The following FARP2 variants were observed in gnomAD, a reference collection of about 807,000 sequenced individuals.
FARP2 encodes FERM, ARHGEF and pleckstrin domain-containing protein 2.
A neutral mutation model predicts 130.5 loss-of-function variants in FARP2; 111 were observed. That is an observed-to-expected ratio of 0.85 (90% CI 0.73 to 1.00). The LOEUF (loss-of-function observed/expected upper bound fraction) is 1.00. FARP2 is among the 50% of genes least tolerant of loss of function. The pLI is 0.00. For missense variants in FARP2, 1,385 were observed against 1,346.3 expected (o/e 1.03, Z -0.45); for synonymous variants, 504 against 516.9 (o/e 0.98, Z 0.34).
chr2:241,451,707 T>A (rs2063662637), intron 13 of FARP2, among the ~76,000 whole-genome samples: 1 of 152,224 alleles, frequency 6.6e-6, no homozygotes, highest in Admixed American at 6.5e-5. Flanking sequence ...GCTAAACATA[T>A]TCTGTGGCAC....
chr2:241,449,769 A>T (rs574855948), intron 13 of FARP2, among the ~76,000 whole-genome samples: 2 of 151,980 alleles, frequency 1.3e-5, no homozygotes, highest in South Asian at 4.2e-4. Flanking sequence ...GAGGCGAAGG[A>T]GGGTGGATCA....
At chr2:241,453,621 C>CA (rs555902009) in intron 13 of FARP2, among the ~76,000 whole-genome samples, 11,667 of 129,032 alleles carry the variant, frequency 0.09, 564 homozygotes, top group Middle Eastern at 0.19. Flanking sequence ...GACTCTGTCT[C>CA]AAAAAAAAAA....
At chr2:241,458,763 A>G (rs1422800649) in intron 14 of FARP2, among the ~76,000 whole-genome samples, 4 of 152,182 alleles carry the variant, frequency 2.6e-5, no homozygotes, top group East Asian at 1.9e-4. Context: ...AAATCAGTTG[A>G]TTCTTTAGAT....
In FARP2 at chr2:241,371,173, A is replaced by G. The variant is rs188232542; in HGVS notation, c.-24-1911A>G. 3.8e-4 allele frequency among the ~76,000 whole-genome samples: 58 copies of G among 152,314 alleles called. 1 individual carries two copies. The highest frequency in any genetic ancestry group is 1.3e-3 in the African/African-American group (54 of 41,566). On this transcript the variant is annotated intron_variant, in intron 1 of 26. Transcript: ENST00000264042. ...CCTGGCAGTAAGTCACTGAGAGCCT[A>G]TTTGAAATTAAGAGATTAAAAAGGT...
intron 12 of FARP2, among the ~76,000 whole-genome samples, chr2:241,439,392 C>T (rs749564080): frequency 1.3e-5 from 2 of 151,414 alleles, no homozygotes; most frequent in Non-Finnish European, 1.5e-5. Context: ...TGCAGTGGTG[C>T]GATCTTGGTT....
chr2:241,428,784 CTT>C (rs1342238572), intron 8 of FARP2, among the ~76,000 whole-genome samples: 1 of 152,166 alleles, frequency 6.6e-6, no homozygotes, highest in Admixed American at 6.5e-5. Context: ...CCCTCATACT[CTT>C]TAGCAGTTAC....
At chr2:241,362,474 C>T (rs2061210403) in intron 1 of FARP2, among the ~76,000 whole-genome samples, 1 of 151,862 alleles carries the variant, frequency 6.6e-6, no homozygotes, top group African/African-American at 2.4e-5. Flanking sequence ...TGGTGGCGGG[C>T]GCCTGTGATC....
chr2:241,493,615 G>A (rs1332418688), intron 26 of FARP2, 171 bp downstream of exon 26: 5 of 603,958 alleles, frequency 8.3e-6, no homozygotes, highest in African/African-American at 7.6e-5. Context: ...TTTTTTTGGA[G>A]ATGGCGTCTC....
At position 241,453,483 on chromosome 2, in the gene FARP2, A is replaced by G. The variant is rs375028004; in HGVS notation, c.1412-3264A>G. Among the ~76,000 whole-genome samples the G allele has an allele frequency of 3.3e-3, 501 of 151,628 alleles. 6 individuals are homozygous for G. Among genetic ancestry groups the G allele is most frequent in the African/African-American group, 9.7e-3 (402 of 41,304 alleles). ...TAAAAATACAAAAAATTAGCCAGGC[A>G]TGGTGGTGGGAGCCTGTAGTCCCAG... On this transcript the variant is annotated intron_variant, in intron 13 of 26. Coordinates refer to ENST00000264042, the MANE Select transcript of FARP2 (RefSeq NM_014808.4).
chr2:241,455,896 T>C (rs1047555313), intron 13 of FARP2, among the ~76,000 whole-genome samples: 4 of 151,960 alleles, frequency 2.6e-5, no homozygotes, highest in African/African-American at 9.7e-5. Context: ...CCTGCCACCA[T>C]GCCCGGCTAA....
chr2:241,492,985 G>A lies in FARP2; in HGVS notation c.2844G>A (p.Lys948=). 1 of 1,613,100 alleles carries A rather than the reference G, an allele frequency of 6.2e-7. No individual in the cohort carries two copies. The highest frequency in any genetic ancestry group is 8.5e-7 in the Non-Finnish European group (1 of 1,179,034). The change falls in exon 25 of 27, where the codon AAG becomes AAA. Residue 948 remains lysine (K), a synonymous_variant. Transcript: ENST00000264042. ...RKFKNSHGWQ[K]LWVVFTNFCL... ...TCAAAAACAGTCATGGCTGGCAGAA[G>A]CTCTGGGTCGTCTTTACCAACTTCT...
chr2:241,445,797 GAACC>G lies in FARP2; in HGVS notation c.1411+4242_1411+4245del, dbSNP rs895428993. 1.4e-4 allele frequency: 22 copies of G among 152,358 alleles called. No individual in the cohort carries two copies. The Middle Eastern group carries it at 0.014, about 94-fold the overall frequency. The allele number at this position is 152,358 out of a possible 1,614,324, so 9.4% of individuals were successfully genotyped here. A position where few individuals can be genotyped will look rare whatever the true frequency, so the allele number is the denominator to read the frequency against. On this transcript the variant is annotated intron_variant, in intron 13 of 26. Transcript: ENST00000264042. ...CTATTGATCTCCTCAGTTACATCCA[GAACC>G]TTAAAGCCGCACAGTTGTCATCCTC...
chr2:241,453,768 G>GTTTTTTTTTTTTTTTTTTTT lies in FARP2; in HGVS notation c.1412-2979_1412-2978insTTTTTTTTTTTTTTTTTTTT, dbSNP rs1559786201. 2.0e-5 allele frequency among the ~76,000 whole-genome samples: 2 copies of GTTTTTTTTTTTTTTTTTTTT among 99,896 alleles called. 1 individual carries two copies. Among genetic ancestry groups the GTTTTTTTTTTTTTTTTTTTT allele is most frequent in the African/African-American group, 8.0e-5 (2 of 25,058 alleles). 65.5% of individuals were successfully genotyped at this position (99,896 alleles called of 152,430 possible). A position where few individuals can be genotyped will look rare whatever the true frequency, so the allele number is the denominator to read the frequency against. On this transcript the variant is annotated intron_variant, in intron 13 of 26. Coordinates refer to ENST00000264042, the MANE Select transcript of FARP2 (RefSeq NM_014808.4). ...TTGTTTACTGGGAGTGGCACTTACT[G>GTTTTTTTTTTTTTTTTTTTT]GTTTTTTTTTTTTTTTTTTTTTTTT...
rs138543516 is a variant in FARP2 at position 241,388,059 on chromosome 2, A to G, written c.183+14769A>G. On this transcript the variant is annotated intron_variant, in intron 2 of 26. Coordinates refer to ENST00000264042, the MANE Select transcript of FARP2 (RefSeq NM_014808.4). The stretch of plus-strand genomic sequence containing the variant: ...AATCTCAGCTAGCTTTTTAGTAGAA[A>G]TTGACAGCAGATCTTACAATGTATA... 1.7e-3 allele frequency among the ~76,000 whole-genome samples: 253 copies of G among 152,324 alleles called. 1 individual carries two copies. The highest frequency in any genetic ancestry group is 5.9e-3 in the African/African-American group (245 of 41,574).
chr2:241,463,694 C>A, intron 16 of FARP2: 1 of 677,004 alleles, frequency 1.5e-6, no homozygotes, highest in Non-Finnish European at 2.5e-6. Flanking sequence ...TCCCTTTTTG[C>A]CTGGTTACTA....
At chr2:241,445,724 AGT>A (rs1224622908) in intron 13 of FARP2, 1 of 152,232 alleles carries the variant, frequency 6.6e-6, no homozygotes, top group Non-Finnish European at 1.5e-5. Context: ...GCTCACTGAG[AGT>A]GTGGAGGTGA....
intron 13 of FARP2, among the ~76,000 whole-genome samples, chr2:241,452,752 C>T (rs547322556): frequency 6.6e-6 from 1 of 151,882 alleles, no homozygotes; most frequent in African/African-American, 2.4e-5. Context: ...ACCAGCCTGG[C>T]CAACATGGTG....
chr2:241,462,448 C>T, intron 14 of FARP2, 75 bp from the exon 15 acceptor site: 1 of 1,017,472 alleles, frequency 9.8e-7, no homozygotes, highest in South Asian at 1.3e-5. Context: ...CAAACATTAC[C>T]AACTTCAGGC....
At chr2:241,452,681 C>G (rs1475847736) in intron 13 of FARP2, among the ~76,000 whole-genome samples, 1 of 151,964 alleles carries the variant, frequency 6.6e-6, no homozygotes, top group Non-Finnish European at 1.5e-5. Flanking sequence ...TGGCTCACAT[C>G]TGTAATCCCA....
Sources: allele counts gnomAD v4.1 joint callset (sites outside exome capture counted in the v4.1 genomes callset), GRCh38; gene constraint gnomAD v4.1.1; transcripts MANE v1.5; gene names NCBI Gene and HGNC (gene_info 2026-07-23, HGNC 2026-07-21).